AHCYL2: variants seen among roughly 807,000 people sequenced by gnomAD.
AHCYL2 encodes the protein adenosylhomocysteinase like 2.
A neutral mutation model predicts 81.4 loss-of-function variants in AHCYL2; 28 were observed. The observed-to-expected ratio is 0.34, with a 90% CI of 0.25 to 0.47. The LOEUF (loss-of-function observed/expected upper bound fraction) is 0.47, where lower values mean the gene tolerates loss of function less well. Among genes scored for constraint, AHCYL2 ranks in the 20% least tolerant of loss-of-function variants. The pLI is 1.00. For synonymous variants in AHCYL2, 272 were observed against 290.2 expected (o/e 0.94, Z 0.64); for missense variants, 551 against 785.1 (o/e 0.70, Z 3.56).
At chr7:129,375,808 T>TA in intron 1 of AHCYL2, 2 of 1,532,982 alleles carry the variant, frequency 1.3e-6, no homozygotes, top group Middle Eastern at 2.0e-4. Context: ...GAGGAAAGTT[T>TA]AAAGGCCTGA....
chr7:129,262,357 G>A lies in AHCYL2; in HGVS notation c.363+36918G>A, dbSNP rs751994632. On this transcript the variant is annotated intron_variant, in intron 1 of 16. Coordinates refer to ENST00000325006, the MANE Select transcript of AHCYL2 (RefSeq NM_015328.4). ...TTTATGAAAGGAGAAACATGTACAT[G>A]CACAGTTGAGCTTCTTACCCCTTTA... 3.3e-5 allele frequency among the ~76,000 whole-genome samples: 5 copies of A among 152,220 alleles called. No homozygotes were observed. The East Asian group carries it at 9.6e-4, about 29-fold the overall frequency.
intron 1 of AHCYL2, among the ~76,000 whole-genome samples, chr7:129,336,334 C>T (rs1360944127): frequency 6.6e-6 from 1 of 152,094 alleles, no homozygotes; most frequent in Non-Finnish European, 1.5e-5. Flanking sequence ...TCCCAAAGTA[C>T]TGGGATTACA....
chr7:129,315,484 C>T (rs1274540575), intron 1 of AHCYL2, among the ~76,000 whole-genome samples: 1 of 152,192 alleles, frequency 6.6e-6, no homozygotes, highest in Non-Finnish European at 1.5e-5. Flanking sequence ...ATTGAAATGT[C>T]CTCCTCCTAG....
At chr7:129,243,559 CTTTTGTTTGT>C (rs1185549745) in intron 1 of AHCYL2, among the ~76,000 whole-genome samples, 2 of 114,710 alleles carry the variant, frequency 1.7e-5, no homozygotes, top group East Asian at 5.3e-4. Context: ...TCAGTTATGT[CTTTTGTTTGT>C]TTTTGTTTTT....
At chr7:129,345,123 C>T (rs1217594986) in intron 1 of AHCYL2, among the ~76,000 whole-genome samples, 1 of 152,130 alleles carries the variant, frequency 6.6e-6, no homozygotes, top group Non-Finnish European at 1.5e-5. Flanking sequence ...CCACTGCACT[C>T]CAGCCTGGGC....
chr7:129,235,449 G>T (rs1794610669), intron 1 of AHCYL2, among the ~76,000 whole-genome samples: 1 of 151,584 alleles, frequency 6.6e-6, no homozygotes, highest in Non-Finnish European at 1.5e-5. Flanking sequence ...TTGAGACAGG[G>T]TCTCACTGTG....
chr7:129,335,101 G>A (rs1306918142), intron 1 of AHCYL2, among the ~76,000 whole-genome samples: 1 of 152,216 alleles, frequency 6.6e-6, no homozygotes, highest in African/African-American at 2.4e-5. Context: ...AAAGCAGCAG[G>A]CCGGGCATGG....
chr7:129,228,439 G>A (rs187543150), intron 1 of AHCYL2, among the ~76,000 whole-genome samples: 11 of 152,290 alleles, frequency 7.2e-5, no homozygotes, highest in African/African-American at 2.6e-4. Context: ...TGTAACTTGC[G>A]ATGCTCTGGG....
intron 1 of AHCYL2, among the ~76,000 whole-genome samples, chr7:129,283,105 C>T (rs1796506928): frequency 1.3e-5 from 2 of 152,230 alleles, no homozygotes; most frequent in East Asian, 3.9e-4. Context: ...AAGAGGAGCC[C>T]ACTGCAGAGC....
At chr7:129,372,541 C>G (rs1356035143) in intron 1 of AHCYL2, among the ~76,000 whole-genome samples, 1 of 152,142 alleles carries the variant, frequency 6.6e-6, no homozygotes, top group Non-Finnish European at 1.5e-5. Context: ...GGCGTGGTGC[C>G]TCATGCCTGT....
intron 3 of AHCYL2, 62 bp from the exon 4 acceptor site, chr7:129,389,571 GT>G: frequency 7.3e-7 from 1 of 1,372,396 alleles, no homozygotes; most frequent in South Asian, 1.3e-5. Flanking sequence ...AAGTTTTTCT[GT>G]TTGTTCTTTT....
In AHCYL2 at chr7:129,355,672, G is replaced by A. The variant is rs1793712523; in HGVS notation, c.364-23966G>A. On this transcript the variant is annotated intron_variant, in intron 1 of 16. Transcript: ENST00000325006. ...TCAACACAACTTCCAGAAATTAGCT[G>A]CTAGAGAATGAGTTGTTATTTGGAG... is the stretch of plus-strand genomic sequence containing the variant. Among the ~76,000 whole-genome samples the A allele has an allele frequency of 1.3e-5, 2 of 152,180 alleles. 1 individual carries two copies. Among genetic ancestry groups the A allele is most frequent in the South Asian group, 4.1e-4 (2 of 4,830 alleles).
At chr7:129,405,557 G>A in intron 8 of AHCYL2, 1 of 399,098 alleles carries the variant, frequency 2.5e-6, no homozygotes, top group Non-Finnish European at 4.4e-6. Flanking sequence ...TGGTTAGATG[G>A]CAGGGAGTGA....
chr7:129,243,921 A>G (rs1176707847), intron 1 of AHCYL2, among the ~76,000 whole-genome samples: 2 of 151,706 alleles, frequency 1.3e-5, no homozygotes, highest in East Asian at 3.9e-4. Flanking sequence ...ATCCAACTGA[A>G]ATTAATATTT....
intron 1 of AHCYL2, among the ~76,000 whole-genome samples, chr7:129,258,556 CTTTTT>C (rs56039495): frequency 7.5e-5 from 10 of 133,134 alleles, no homozygotes; most frequent in South Asian, 4.9e-4. Context: ...ATTTATCTTG[CTTTTT>C]TTTTTTTTTT....
In AHCYL2 at chr7:129,368,284, G is replaced by A; in HGVS notation, c.364-11354G>A. On this transcript the variant is annotated intron_variant, in intron 1 of 16. Coordinates refer to ENST00000325006, the MANE Select transcript of AHCYL2 (RefSeq NM_015328.4). This position sits in a 1 kb window ranked among gnomAD's most constrained non-coding sequence, Gnocchi z 4.4. ...TTTGAAATCAGACACAGAAGGCTTT[G>A]AAGCCGGCCAGTAAGGGGTTGTCAG... 1.4e-6 allele frequency: 2 copies of A among 1,418,958 alleles called. No homozygotes were observed. The highest frequency in any genetic ancestry group is 3.1e-5 in the South Asian group (2 of 63,578). 87.9% of individuals were successfully genotyped at this position (1,418,958 alleles called of 1,614,324 possible). A position where few individuals can be genotyped will look rare whatever the true frequency, so the allele number is the denominator to read the frequency against.
intron 1 of AHCYL2, among the ~76,000 whole-genome samples, chr7:129,346,593 A>T (rs1793371270): frequency 1.3e-5 from 2 of 152,200 alleles, no homozygotes; most frequent in South Asian, 4.1e-4. Context: ...ACCACTACTC[A>T]TCTATTAAAA....
intron 1 of AHCYL2, chr7:129,375,576 A>C: frequency 8.1e-7 from 1 of 1,236,192 alleles, no homozygotes; most frequent in Non-Finnish European, 1.0e-6. Flanking sequence ...TTTAGAGGTC[A>C]GAGGATCCAT....
chr7:129,342,838 T>A (rs1793232511), intron 1 of AHCYL2, among the ~76,000 whole-genome samples: 1 of 152,208 alleles, frequency 6.6e-6, no homozygotes, highest in Non-Finnish European at 1.5e-5. Flanking sequence ...CTAGAAAAAT[T>A]TGGCATATAT....
Sources: allele counts gnomAD v4.1 joint callset (sites outside exome capture counted in the v4.1 genomes callset), GRCh38; gene constraint gnomAD v4.1.1; non-coding constraint Gnocchi (gnomAD v3.1); transcripts MANE v1.5; gene names NCBI Gene and HGNC (gene_info 2026-07-23, HGNC 2026-07-21).